The following IL2RA variants were observed in gnomAD, a reference collection of about 807,000 sequenced individuals.
IL2RA encodes the protein interleukin-2 receptor subunit alpha.
A neutral mutation model predicts 37.8 loss-of-function variants in IL2RA; 24 were observed. The ratio of observed to expected loss-of-function variants is 0.63; its 90% CI spans 0.46 to 0.89. IL2RA has a LOEUF of 0.89. Among genes scored for constraint, IL2RA ranks in the 40% least tolerant of loss-of-function variants. The pLI is 0.00. For synonymous variants in IL2RA, 125 were observed against 114.6 expected (o/e 1.09, Z -0.58); for missense variants, 319 against 348.6 (o/e 0.92, Z 0.68).
At position 6,021,979 on chromosome 10, in the gene IL2RA, G is replaced by C. The variant is rs1056837693; in HGVS notation, c.368-286C>G. On this transcript the variant is annotated intron_variant, in intron 3 of 7. Coordinates refer to ENST00000379959, the MANE Select transcript of IL2RA (RefSeq NM_000417.3). This position sits in a 1 kb window ranked among gnomAD's most constrained non-coding sequence, Gnocchi z 4.9. ...TGGCAATGGGAACACAGAGGAATGAGCGATTCATTCTGGTTGGTGCGGCCC... is the reference window on the plus strand; with the variant it reads ...TGGCAATGGGAACACAGAGGAATGACCGATTCATTCTGGTTGGTGCGGCCC... Among the ~76,000 whole-genome samples the C allele has an allele frequency of 1.3e-5, 2 of 152,194 alleles. No individual in the cohort carries two copies. Among genetic ancestry groups the C allele is most frequent in the Non-Finnish European group, 2.9e-5 (2 of 68,036 alleles).
intron 3 of IL2RA, 67 bp downstream of exon 3, chr10:6,024,177 A>T (rs1839437870): frequency 1.9e-6 from 2 of 1,029,638 alleles, no homozygotes; most frequent in African/African-American, 1.6e-5. Context: ...CTTTGGGTAC[A>T]CATCATCTGC....
In IL2RA at chr10:6,058,318, T is replaced by C. The variant is rs1372234316; in HGVS notation, c.64+3770A>G. On this transcript the variant is annotated intron_variant, in intron 1 of 7. Transcript: ENST00000379959. The surrounding 1 kb of genome is among the most constrained non-coding windows in gnomAD (Gnocchi z 4.2). The stretch of plus-strand genomic sequence containing the variant: ...AACTCATTCTTTTGGTGCAGAATTG[T>C]GAAGTCAATTTTTTTCTTTTTCAAT... Among the ~76,000 whole-genome samples the C allele has an allele frequency of 3.3e-5, 5 of 152,196 alleles. No individual in the cohort carries two copies. Among genetic ancestry groups the C allele is most frequent in the Non-Finnish European group, 5.9e-5 (4 of 68,028 alleles).
rs1023440261 is a variant in IL2RA at position 6,044,641 on chromosome 10, G to A, written c.64+17447C>T. ...TTGTCCGATGTCTGAGCCCTGCCTC[G>A]GGGGTTGAGTCCCAACTTCTACCTC... On this transcript the variant is annotated intron_variant, in intron 1 of 7. Coordinates refer to ENST00000379959, the MANE Select transcript of IL2RA (RefSeq NM_000417.3). This position sits in a 1 kb window ranked among gnomAD's most constrained non-coding sequence, Gnocchi z 4.5. 1.3e-5 allele frequency among the ~76,000 whole-genome samples: 2 copies of A among 152,134 alleles called. No individual in the cohort carries two copies. Among genetic ancestry groups the A allele is most frequent in the Non-Finnish European group, 2.9e-5 (2 of 68,028 alleles).
rs1839523500 is a variant in IL2RA at position 6,028,725 on chromosome 10, T to C, written c.65-2700A>G. Reference sequence around the variant, plus strand: ...AGAAACAGACCCGTAAAATTGGGTGTGGTGGCTCATGCCTGTAATCCCAGC... The same window carrying C: ...AGAAACAGACCCGTAAAATTGGGTGCGGTGGCTCATGCCTGTAATCCCAGC... On this transcript the variant is annotated intron_variant, in intron 1 of 7. Coordinates refer to ENST00000379959, the MANE Select transcript of IL2RA (RefSeq NM_000417.3). The surrounding 1 kb of genome is among the most constrained non-coding windows in gnomAD (Gnocchi z 4.1). 6.6e-6 allele frequency among the ~76,000 whole-genome samples: 1 copy of C among 152,158 alleles called. No individual in the cohort carries two copies. The highest frequency in any genetic ancestry group is 2.4e-5 in the African/African-American group (1 of 41,426).
intron 1 of IL2RA, among the ~76,000 whole-genome samples, chr10:6,055,364 C>T (rs962427751): frequency 5.9e-5 from 9 of 151,822 alleles, no homozygotes; most frequent in African/African-American, 1.2e-4. Context: ...TTGTGATGTT[C>T]GGTTCTGTTC....
In IL2RA at chr10:6,056,122, T is replaced by C. The variant is rs966892545; in HGVS notation, c.64+5966A>G. Among the ~76,000 whole-genome samples the C allele has an allele frequency of 6.6e-6, 1 of 152,210 alleles. No individual in the cohort carries two copies. The highest frequency in any genetic ancestry group is 2.4e-5 in the African/African-American group (1 of 41,458). Reference sequence around the variant, plus strand: ...AATTATATTATTGTTTTCCCCTAAATGAGTGAGTTACTTGAGAATATGGTG... The same window carrying C: ...AATTATATTATTGTTTTCCCCTAAACGAGTGAGTTACTTGAGAATATGGTG... On this transcript the variant is annotated intron_variant, in intron 1 of 7. Coordinates refer to ENST00000379959, the MANE Select transcript of IL2RA (RefSeq NM_000417.3). This position sits in a 1 kb window ranked among gnomAD's most constrained non-coding sequence, Gnocchi z 5.0.
At chr10:6,034,890 G>A (rs1839656285) in intron 1 of IL2RA, among the ~76,000 whole-genome samples, 1 of 152,206 alleles carries the variant, frequency 6.6e-6, no homozygotes, top group Admixed American at 6.5e-5. Flanking sequence ...TTAGAAGAGG[G>A]GAAGGGGAAT....
At position 6,019,421 on chromosome 10, in the gene IL2RA, C is replaced by G; in HGVS notation, c.727+7G>C. The G allele has an allele frequency of 6.2e-7, 1 of 1,601,302 alleles. No homozygotes were observed. The highest frequency in any genetic ancestry group is 8.6e-7 in the Non-Finnish European group (1 of 1,168,232). ...CATTTTGTCCACAAAGCCAGTGCCC[C>G]ACTCACCTGCTACCTGGTACTCTGT... is the stretch of plus-strand genomic sequence containing the variant. On this transcript the variant is annotated splice_region_variant and intron_variant, in intron 6 of 7. Transcript: ENST00000379959.
chr10:6,045,724 C>T (rs1839842999), intron 1 of IL2RA, among the ~76,000 whole-genome samples: 1 of 152,104 alleles, frequency 6.6e-6, no homozygotes, highest in Non-Finnish European at 1.5e-5. Flanking sequence ...GTGACTCCCA[C>T]CCACAGTCTT....
At chr10:6,041,199 G>A (rs897212010) in intron 1 of IL2RA, among the ~76,000 whole-genome samples, 1 of 146,816 alleles carries the variant, frequency 6.8e-6, no homozygotes, top group Admixed American at 7.0e-5. Flanking sequence ...CTCACTGCAA[G>A]CTCCGCCTCT....
intron 1 of IL2RA, among the ~76,000 whole-genome samples, chr10:6,053,192 C>T (rs1385618412): frequency 1.3e-5 from 2 of 152,218 alleles, no homozygotes; most frequent in African/African-American, 4.8e-5. Context: ...GGAAAAAAGG[C>T]AGGTTCTGGA....
intron 7 of IL2RA, among the ~76,000 whole-genome samples, chr10:6,016,577 CT>C (rs749966800): frequency 1.0e-3 from 148 of 145,464 alleles, no homozygotes; most frequent in African/African-American, 9.3e-4. Flanking sequence ...TTACCTTTTT[CT>C]TTTTTTTTTT....
rs1839182641 is a variant in IL2RA at position 6,010,933 on chromosome 10, A to G, written c.*1939T>C. Reference sequence around the variant, plus strand: ...CTACTCAAGTAAGATTTAAATATATATCTATATTTTCTGGTCTGAGATTCT... The same window carrying G: ...CTACTCAAGTAAGATTTAAATATATGTCTATATTTTCTGGTCTGAGATTCT... On this transcript the variant is annotated 3_prime_UTR_variant, in exon 8 of 8. Coordinates refer to ENST00000379959, the MANE Select transcript of IL2RA (RefSeq NM_000417.3). 1 of 152,304 alleles carries G rather than the reference A, an allele frequency of 6.6e-6. No homozygotes were observed. The highest frequency in any genetic ancestry group is 6.5e-5 in the Admixed American group (1 of 15,276). The allele number at this position is 152,304 out of a possible 1,614,324, so 9.4% of individuals were successfully genotyped here.
At chr10:6,034,726 C>T (rs905665455) in intron 1 of IL2RA, among the ~76,000 whole-genome samples, 12 of 152,164 alleles carry the variant, frequency 7.9e-5, no homozygotes, top group African/African-American at 2.7e-4. Flanking sequence ...CTTTACACTT[C>T]CTCCTGTCTT....
chr10:6,013,317 T>C (rs12722710), intron 7 of IL2RA, among the ~76,000 whole-genome samples: 5,070 of 152,320 alleles, frequency 0.033, 294 homozygotes, highest in African/African-American at 0.11. Context: ...TAGGGAACGC[T>C]TGAAATGTGG....
rs188994078 is a variant in IL2RA, at chr10:6,054,239, G to A, written c.64+7849C>T. Among the ~76,000 whole-genome samples the A allele has an allele frequency of 6.6e-6, 1 of 152,358 alleles. No homozygotes were observed. Among genetic ancestry groups the A allele is most frequent in the African/African-American group, 2.4e-5 (1 of 41,586 alleles). On this transcript the variant is annotated intron_variant, in intron 1 of 7. Coordinates refer to ENST00000379959, the MANE Select transcript of IL2RA (RefSeq NM_000417.3). The surrounding 1 kb of genome is among the most constrained non-coding windows in gnomAD (Gnocchi z 4.5). ...GGGTGTGGGAGTGGGAGAATGGGCT[G>A]TCAGGACAAAAGCACTGGGACTCCA... is the stretch of plus-strand genomic sequence containing the variant.
Position 6,047,321 on chromosome 10 carries a change from G to A in IL2RA, c.64+14767C>T, listed in dbSNP as rs1220413830. Among the ~76,000 whole-genome samples the A allele has an allele frequency of 1.3e-5, 2 of 152,204 alleles. No homozygotes were observed. Among genetic ancestry groups the A allele is most frequent in the African/African-American group, 2.4e-5 (1 of 41,448 alleles). On this transcript the variant is annotated intron_variant, in intron 1 of 7. Transcript: ENST00000379959. This position sits in a 1 kb window ranked among gnomAD's most constrained non-coding sequence, Gnocchi z 5.0. Reference sequence around the variant, plus strand: ...AGGAGTGTGGCCTGTGCCACACTCAGAACGCGGGATGAACATAGAGGAAAC... The same window carrying A: ...AGGAGTGTGGCCTGTGCCACACTCAAAACGCGGGATGAACATAGAGGAAAC...
In IL2RA at chr10:6,012,691, A is replaced by G. The variant is rs1013475322; in HGVS notation, c.*181T>C. On this transcript the variant is annotated 3_prime_UTR_variant, in exon 8 of 8. Transcript: ENST00000379959. This position sits in a 1 kb window ranked among gnomAD's most constrained non-coding sequence, Gnocchi z 4.8. ...CGCTCTCTGATGGGACTGAGCTGGC[A>G]TAGAGACAAGGTTGCCACTGCCCCG... The G allele has an allele frequency of 4.3e-6, 3 of 689,980 alleles. No individual in the cohort carries two copies. The South Asian group carries it at 4.9e-5, about 11-fold the overall frequency. 42.7% of individuals were successfully genotyped at this position (689,980 alleles called of 1,614,324 possible).
At position 6,028,681 on chromosome 10, in the gene IL2RA, A is replaced by G. The variant is rs915568691; in HGVS notation, c.65-2656T>C. On this transcript the variant is annotated intron_variant, in intron 1 of 7. Transcript: ENST00000379959. This position sits in a 1 kb window ranked among gnomAD's most constrained non-coding sequence, Gnocchi z 4.1. ...CAGGAAAATGTGACATACTTGACCT[A>G]CTCAAAAAAGTGCTCAATAGAAACA... Among the ~76,000 whole-genome samples the G allele has an allele frequency of 1.3e-5, 2 of 152,200 alleles. No individual in the cohort carries two copies. The highest frequency in any genetic ancestry group is 2.1e-4 in the South Asian group (1 of 4,830).
Sources: allele counts gnomAD v4.1 joint callset (sites outside exome capture counted in the v4.1 genomes callset), GRCh38; gene constraint gnomAD v4.1.1; non-coding constraint Gnocchi (gnomAD v3.1); transcripts MANE v1.5; gene names NCBI Gene and HGNC (gene_info 2026-07-23, HGNC 2026-07-21).